CTDP1: variants seen among roughly 807,000 people sequenced by gnomAD.
CTDP1 encodes CTD phosphatase 1, also known as RNA polymerase II subunit A C-terminal domain phosphatase.
CTDP1 carries 47 observed loss-of-function variants against 91.8 expected under a neutral mutation model. The ratio of observed to expected loss-of-function variants is 0.51; its 90% CI spans 0.41 to 0.65. The LOEUF (loss-of-function observed/expected upper bound fraction) is 0.65. CTDP1 is among the 30% of genes least tolerant of loss of function. The pLI is 0.00. For missense variants in CTDP1, 1,272 were observed against 1,373.7 expected (o/e 0.93, Z 1.17); for synonymous variants, 656 against 598.5 (o/e 1.10, Z -1.40).
At chr18:79,696,375 C>T (rs1266743387) in intron 3 of CTDP1, among the ~76,000 whole-genome samples, 1 of 152,198 alleles carries the variant, frequency 6.6e-6, no homozygotes, top group African/African-American at 2.4e-5. Flanking sequence ...GCCTGGGTTC[C>T]CTTGAGCCAA....
chr18:79,680,395 T>G (rs959021785), intron 1 of CTDP1, 134 bp downstream of exon 1: 4 of 677,152 alleles, frequency 5.9e-6, no homozygotes, highest in Non-Finnish European at 8.3e-6. Context: ...ACGCAGGCAC[T>G]GCGCTTCTCC....
Position 79,715,233 on chromosome 18 carries a change from C to A in CTDP1, c.1773C>A (p.Ile591=), listed in dbSNP as rs1246237423. Residue 591 remains isoleucine, a synonymous_variant, in exon 8 of 13, where the codon ATC becomes ATA. Coordinates refer to ENST00000613122, the MANE Select transcript of CTDP1 (RefSeq NM_004715.5). ...EEDTDEDDHL[I]YLEEILVRVH... ...ACACGGATGAGGATGACCACCTCAT[C>A]TACCTGGAGGAGATCCTGGTCCGTG... The A allele has an allele frequency of 6.2e-7, 1 of 1,610,736 alleles. No homozygotes were observed. Among genetic ancestry groups the A allele is most frequent in the Admixed American group, 1.7e-5 (1 of 59,310 alleles).
At position 79,748,961 on chromosome 18, in the gene CTDP1, A is replaced by C. The variant is rs372073348; in HGVS notation, c.2748-4691A>C. Among the ~76,000 whole-genome samples the C allele has an allele frequency of 7.1e-3, 1,088 of 152,276 alleles. 10 individuals carry two copies. The highest frequency in any genetic ancestry group is 0.024 in the African/African-American group (1,017 of 41,566). On this transcript the variant is annotated intron_variant, in intron 12 of 12. Transcript: ENST00000613122. The stretch of plus-strand genomic sequence containing the variant: ...TTGGTGCATGTGCACAGGGCTCTCC[A>C]GCGGGAGCTGAGGTGGTCCCTTCCG...
At chr18:79,705,502 C>T (rs550258035) in intron 5 of CTDP1, among the ~76,000 whole-genome samples, 38 of 151,898 alleles carry the variant, frequency 2.5e-4, no homozygotes, top group African/African-American at 6.5e-4. Context: ...ATGGACAAAG[C>T]GAGGGGACAA....
downstream of CTDP1, chr18:79,755,141 G>C (rs930954812): frequency 4.6e-5 from 7 of 152,224 alleles, no homozygotes; most frequent in African/African-American, 1.4e-4. Context: ...GGACCCCAGG[G>C]TCCTGGTGCT....
upstream of CTDP1, chr18:79,679,488 A>T (rs1182995340): frequency 2.2e-6 from 1 of 456,562 alleles, no homozygotes; most frequent in East Asian, 6.9e-5. Context: ...GGGTAATGGC[A>T]CGCAGGCCTG....
chr18:79,679,749 C>CGCGCACGT (rs2085312987), upstream of CTDP1: 4 of 528,678 alleles, frequency 7.6e-6, no homozygotes, highest in South Asian at 7.8e-5. Context: ...CGTATTTACA[C>CGCGCACGT]GCGCACGTAC....
rs1396454839 is a variant in CTDP1 at position 79,729,020 on chromosome 18, T to C, written c.2531T>C (p.Met844Thr). 1 of 1,613,948 alleles carries C rather than the reference T, an allele frequency of 6.2e-7. No individual in the cohort carries two copies. The highest frequency in any genetic ancestry group is 1.7e-5 in the Admixed American group (1 of 60,012). The change falls in exon 11 of 13, where the codon ATG becomes ACG. Residue 844 changes from methionine to threonine, a missense_variant. Met to Thr is a moderately conservative substitution (Grantham distance 81). Around this residue, in one of 3 missense-constraint regions of CTDP1, gnomAD observed 881 missense variants for 911.6 expected, o/e 0.97. Coordinates refer to ENST00000613122, the MANE Select transcript of CTDP1 (RefSeq NM_004715.5). ...CGACAGCCCAGTATGTCTGAGACAA[T>C]GCCGCTGTACACTCTTTGTAAGGAG... ...RKRQPSMSET[M>T]PLYTLCKEDL...
rs1014087632 is a variant in CTDP1, at chr18:79,679,898, T to A, written c.-50T>A. ...TGTCGCCGCGGTAGGCGCTGCGCTC[T>A]GAGCGCAGCGCAGGCCCCGTACCGA... On this transcript the variant is annotated 5_prime_UTR_variant, in exon 1 of 13. Transcript: ENST00000613122. 3.0e-5 allele frequency: 39 copies of A among 1,303,700 alleles called. No homozygotes were observed. The highest frequency in any genetic ancestry group is 2.1e-4 in the East Asian group (6 of 28,598). The allele number at this position is 1,303,700 out of a possible 1,614,324, so 80.8% of individuals were successfully genotyped here.
In CTDP1 at chr18:79,680,144, C is replaced by A. The variant is rs887121443; in HGVS notation, c.197C>A (p.Ser66Tyr). ...ASAQSSGASQ[S>Y]RVASGGCVRP... ...GCGCAGTCCTCCGGGGCCTCTCAGT[C>A]CCGTGTAGCCTCCGGGGGCTGCGTG... The change falls in exon 1 of 13, where the codon TCC becomes TAC. Residue 66 changes from serine to tyrosine, a missense_variant. Ser to Tyr is a moderately radical substitution (Grantham distance 144). Transcript: ENST00000613122. 2.5e-5 allele frequency: 35 copies of A among 1,424,936 alleles called. No homozygotes were observed. Among genetic ancestry groups the A allele is most frequent in the Non-Finnish European group, 3.0e-5 (33 of 1,091,370 alleles). 88.3% of individuals were successfully genotyped at this position (1,424,936 alleles called of 1,614,324 possible).
chr18:79,727,172 G>A (rs1047658501), intron 10 of CTDP1, among the ~76,000 whole-genome samples: 2 of 152,188 alleles, frequency 1.3e-5, no homozygotes. Flanking sequence ...GGTGTTTGGC[G>A]GGAGTAGAGC....
chr18:79,714,076 A>G (rs1013903720), intron 7 of CTDP1, among the ~76,000 whole-genome samples: 3 of 150,012 alleles, frequency 2.0e-5, no homozygotes, highest in Admixed American at 6.6e-5. Flanking sequence ...CCAGGTCTGC[A>G]GGGGCTTACG....
chr18:79,733,258 G>A (rs1056433054), intron 11 of CTDP1, among the ~76,000 whole-genome samples: 4 of 151,544 alleles, frequency 2.6e-5, no homozygotes, highest in Non-Finnish European at 5.9e-5. Flanking sequence ...GTGGATCCTC[G>A]CGCCGCAGCC....
At chr18:79,703,451 G>A (rs1413920548) in intron 4 of CTDP1, 1 of 152,224 alleles carries the variant, frequency 6.6e-6, no homozygotes, top group African/African-American at 2.4e-5. Flanking sequence ...AAGCGAGTCG[G>A]TGTTGCTCAT....
At chr18:79,687,253 T>C (rs1397061522) in intron 1 of CTDP1, among the ~76,000 whole-genome samples, 2 of 107,918 alleles carry the variant, frequency 1.9e-5, no homozygotes, top group African/African-American at 3.8e-5. Flanking sequence ...GTTGGCTTCG[T>C]CAGTTCACTG....
chr18:79,687,704 G>A (rs1436898018), intron 1 of CTDP1, among the ~76,000 whole-genome samples: 1 of 151,824 alleles, frequency 6.6e-6, no homozygotes, highest in African/African-American at 2.4e-5. Context: ...CAGTTCACTG[G>A]TGGGCATGCA....
intron 5 of CTDP1, among the ~76,000 whole-genome samples, chr18:79,706,248 T>C (rs974127806): frequency 6.6e-6 from 1 of 152,338 alleles, no homozygotes; most frequent in Admixed American, 6.5e-5. Context: ...GGAAGGGACG[T>C]GTGTTCCTGA....
upstream of CTDP1, chr18:79,677,793 G>C (rs192731375): frequency 2.2e-4 from 34 of 152,238 alleles, no homozygotes; most frequent in East Asian, 6.4e-3. Flanking sequence ...ATGCTGAGTA[G>C]TGTGTCCTTA....
In CTDP1 at chr18:79,713,985, ACGGCCACGG is replaced by A. The variant is rs2086137879; in HGVS notation, c.1031-505_1031-497del. Among the ~76,000 whole-genome samples, 2 of 102,854 alleles carry A rather than the reference ACGGCCACGG, an allele frequency of 1.9e-5. No homozygotes were observed. Among genetic ancestry groups the A allele is most frequent in the Admixed American group, 9.3e-5 (1 of 10,744 alleles). 67.5% of individuals were successfully genotyped at this position (102,854 alleles called of 152,430 possible). A position where few individuals can be genotyped will look rare whatever the true frequency, so the allele number is the denominator to read the frequency against. ...GGTGGCGCCAGGTCTGCAGGGGCTT[ACGGCCACGG>A]TGGTGCCAGGTCTGCAGGGGCTTAC... On this transcript the variant is annotated intron_variant, in intron 7 of 12. Coordinates refer to ENST00000613122, the MANE Select transcript of CTDP1 (RefSeq NM_004715.5). The surrounding 1 kb of genome is among the most constrained non-coding windows in gnomAD (Gnocchi z 4.7).
Sources: allele counts gnomAD v4.1 joint callset (sites outside exome capture counted in the v4.1 genomes callset), GRCh38; gene constraint gnomAD v4.1.1; regional missense constraint gnomAD v4.1.1; non-coding constraint Gnocchi (gnomAD v3.1); transcripts MANE v1.5; gene names NCBI Gene and HGNC (gene_info 2026-07-23, HGNC 2026-07-21).